The following ZAN variants were observed in gnomAD, a reference collection of about 807,000 sequenced individuals.
The protein encoded by ZAN is zonadhesin (gene/pseudogene).
Under a neutral mutation model 286.2 loss-of-function variants are expected in ZAN, and 260 were observed. The ratio of observed to expected loss-of-function variants is 0.91; its 90% CI spans 0.82 to 1.01. ZAN has a LOEUF of 1.01. Ranked by LOEUF, ZAN falls within the 50% of genes least tolerant of loss-of-function variation. The pLI, the probability that ZAN is intolerant of heterozygous loss-of-function variation, is 0.00. For synonymous variants in ZAN, 1,368 were observed against 1,417.5 expected (o/e 0.97, Z 0.79); for missense variants, 3,410 against 3,639.2 (o/e 0.94, Z 1.62).
chr7:100,747,987 GAAAA>G (rs3884114), intron 9 of ZAN, 146 bp from the exon 10 acceptor site: 9 of 583,350 alleles, frequency 1.5e-5, no homozygotes, highest in Non-Finnish European at 2.6e-5. Flanking sequence ...GCAAGACTCT[GAAAA>G]AAAAAAAAAA....
chr7:100,786,879 C>G (rs377689151), intron 37 of ZAN, among the ~76,000 whole-genome samples: 2 of 152,184 alleles, frequency 1.3e-5, no homozygotes, highest in East Asian at 3.9e-4. Flanking sequence ...TAGGAAGACC[C>G]TGTCCCTACA....
Position 100,735,705 on chromosome 7 carries a change from C to A in ZAN, c.54-15C>A. ...ACACGAGTTGCATTTTTGCTTTCTT[C>A]AAACGACCCCCAAGGAAAGAGAAGC... On this transcript the variant is annotated splice_polypyrimidine_tract_variant and intron_variant, in intron 2 of 47. Coordinates refer to ENST00000613979, the MANE Select transcript of ZAN (RefSeq NM_003386.3). 6.7e-7 allele frequency: 1 copy of A among 1,499,440 alleles called. No individual in the cohort carries two copies. Among genetic ancestry groups the A allele is most frequent in the South Asian group, 1.2e-5 (1 of 86,538 alleles). The allele number at this position is 1,499,440 out of a possible 1,614,324, so 92.9% of individuals were successfully genotyped here. A position where few individuals can be genotyped will look rare whatever the true frequency, so the allele number is the denominator to read the frequency against.
At position 100,773,728 on chromosome 7, in the gene ZAN, A is replaced by G; in HGVS notation, c.5642A>G (p.Glu1881Gly). ...DPAGSYHPVG[E>G]RWYTENTCTR... is the part of the protein sequence containing the mutation. ...GATCCCTGTGGCCCACAGGTCGGGG[A>G]GCGCTGGTACACAGAGAACACCTGC... The change falls in exon 31 of 48, where the codon GAG becomes GGG. Residue 1881 changes from glutamate (E) to glycine (G), a missense_variant. Glu to Gly is a moderately conservative substitution (Grantham distance 98). Transcript: ENST00000613979. 3 of 1,609,332 alleles carry G rather than the reference A, an allele frequency of 1.9e-6. No individual in the cohort carries two copies. Among genetic ancestry groups the G allele is most frequent in the Non-Finnish European group, 2.5e-6 (3 of 1,177,824 alleles).
intron 3 of ZAN, among the ~76,000 whole-genome samples, chr7:100,735,993 G>A (rs943931667): frequency 7.1e-6 from 1 of 140,920 alleles, no homozygotes; most frequent in Non-Finnish European, 1.6e-5. Flanking sequence ...TCCCAGCCCC[G>A]AATTTCTCCT....
chr7:100,773,723 C>T lies in ZAN; in HGVS notation c.5637C>T (p.Val1879=), dbSNP rs758085729. The T allele has an allele frequency of 2.6e-5, 41 of 1,607,836 alleles. No individual in the cohort carries two copies. Among genetic ancestry groups the T allele is most frequent in the Admixed American group, 6.8e-5 (4 of 59,190 alleles). ...CTDPAGSYHP[V]GERWYTENTC... Reference sequence around the variant, plus strand: ...CAGCTGATCCCTGTGGCCCACAGGTCGGGGAGCGCTGGTACACAGAGAACA... The same window carrying T: ...CAGCTGATCCCTGTGGCCCACAGGTTGGGGAGCGCTGGTACACAGAGAACA... Residue 1879 remains valine, a splice_region_variant and synonymous_variant, in exon 31 of 48, where the codon GTC becomes GTT. Transcript: ENST00000613979.
intron 42 of ZAN, among the ~76,000 whole-genome samples, chr7:100,793,002 G>GAA (rs1292224151): frequency 6.6e-5 from 6 of 90,644 alleles, no homozygotes; most frequent in African/African-American, 2.4e-4. Flanking sequence ...AAAAAAGAAA[G>GAA]AAAGAAAGAA....
chr7:100,792,982 C>CAAAAAAAAAAAAAAAAAAA (rs1232116032), intron 42 of ZAN, among the ~76,000 whole-genome samples: 14 of 50,892 alleles, frequency 2.8e-4, no homozygotes, highest in African/African-American at 5.1e-4. Flanking sequence ...CATCCTATCT[C>CAAAAAAAAAAAAAAAAAAA]AAAAAAAAAA....
At chr7:100,748,557 TTGTTTCAG>T in intron 11 of ZAN, 87 bp downstream of exon 11, 1 of 1,510,632 alleles carries the variant, frequency 6.6e-7, no homozygotes, top group South Asian at 1.3e-5. Context: ...ATGGGAGACG[TTGTTTCAG>T]GCAGTGGGAA....
intron 2 of ZAN, among the ~76,000 whole-genome samples, chr7:100,734,620 A>G (rs1311910447): frequency 7.3e-6 from 1 of 136,358 alleles, no homozygotes; most frequent in African/African-American, 2.7e-5. Context: ...CTCCGTCTCA[A>G]AAAAAAAAAA....
intron 19 of ZAN, among the ~76,000 whole-genome samples, chr7:100,761,286 T>C (rs987401107): frequency 3.3e-5 from 5 of 152,164 alleles, no homozygotes; most frequent in Non-Finnish European, 7.4e-5. Flanking sequence ...GGAGAATCCC[T>C]TGGGGCCAGG....
chr7:100,783,733 C>CAAAAAAAAA lies in ZAN; in HGVS notation c.6623-867_6623-859dup, dbSNP rs67004319. ...AGACTCCGTCCCTGCCCGTCCCCCG[C>CAAAAAAAAA]AAAAAAAAAAAAAAAAAAAAAAAAA... is the stretch of plus-strand genomic sequence containing the variant. On this transcript the variant is annotated intron_variant, in intron 35 of 47. Coordinates refer to ENST00000613979, the MANE Select transcript of ZAN (RefSeq NM_003386.3). 6.2e-4 allele frequency among the ~76,000 whole-genome samples: 7 copies of CAAAAAAAAA among 11,242 alleles called. 1 individual carries two copies. The highest frequency in any genetic ancestry group is 1.1e-3 in the Non-Finnish European group (7 of 6,116). The allele number at this position is 11,242 out of a possible 152,430, so 7.4% of individuals were successfully genotyped here. A position where few individuals can be genotyped will look rare whatever the true frequency, so the allele number is the denominator to read the frequency against.
At chr7:100,794,891 A>T (rs1812245603) in intron 44 of ZAN, among the ~76,000 whole-genome samples, 1 of 133,544 alleles carries the variant, frequency 7.5e-6, no homozygotes. Context: ...GAGGAAAGGA[A>T]GGGAGGGAGG....
chr7:100,786,994 T>A (rs2116288092), intron 37 of ZAN, among the ~76,000 whole-genome samples: 1 of 151,956 alleles, frequency 6.6e-6, no homozygotes, highest in Middle Eastern at 3.4e-3. Flanking sequence ...CTCAGGAGTT[T>A]GAGGCTGCAG....
chr7:100,771,331 T>C (rs1230035853), intron 28 of ZAN, among the ~76,000 whole-genome samples: 1 of 152,036 alleles, frequency 6.6e-6, no homozygotes, highest in East Asian at 1.9e-4. Context: ...CTCAGCCTGC[T>C]GAGTAGCTGG....
intron 38 of ZAN, among the ~76,000 whole-genome samples, chr7:100,788,888 G>A (rs147760286): frequency 2.6e-5 from 4 of 152,028 alleles, no homozygotes; most frequent in Non-Finnish European, 4.4e-5. Context: ...TAGTAGAGAC[G>A]TGGTTTCCCC....
chr7:100,762,105 C>T, intron 19 of ZAN, 110 bp from the exon 20 acceptor site: 3 of 1,393,200 alleles, frequency 2.2e-6, no homozygotes, highest in Non-Finnish European at 3.0e-6. Context: ...TCTTCATCCT[C>T]CTCACGCCCT....
chr7:100,790,815 G>A (rs1358834069), intron 39 of ZAN, 127 bp from the exon 40 acceptor site: 18 of 1,032,360 alleles, frequency 1.7e-5, no homozygotes, highest in South Asian at 3.8e-5. Context: ...ACCAGGAGGC[G>A]GAGGTTGCAG....
chr7:100,750,840 C>A lies in ZAN; in HGVS notation c.1465C>A (p.Pro489Thr), dbSNP rs752056869. Residue 489 changes from proline (P) to threonine (T), a missense_variant, in exon 12 of 48, where the codon CCT becomes ACT. Physicochemically the swap from Pro to Thr is conservative, Grantham distance 38. Coordinates refer to ENST00000613979, the MANE Select transcript of ZAN (RefSeq NM_003386.3). ...PLWKRVGSQR[P>T]YWQNTSVTVP... is the part of the protein sequence containing the mutation. ...CTGGAAACGCGTGGGGTCTCAGCGC[C>A]CTTACTGGCAGAACACCTCCGTCAC... 1.9e-6 allele frequency: 3 copies of A among 1,589,960 alleles called. No individual in the cohort carries two copies. The highest frequency in any genetic ancestry group is 1.1e-5 in the South Asian group (1 of 87,006).
At chr7:100,767,767 C>G in intron 25 of ZAN, 64 bp from the exon 26 acceptor site, 2 of 1,534,462 alleles carry the variant, frequency 1.3e-6, no homozygotes, top group East Asian at 2.3e-5. Flanking sequence ...CATGAGCCCC[C>G]GTCCTTGCCT....
Sources: allele counts gnomAD v4.1 joint callset (sites outside exome capture counted in the v4.1 genomes callset), GRCh38; gene constraint gnomAD v4.1.1; transcripts MANE v1.5; gene names NCBI Gene and HGNC (gene_info 2026-07-23, HGNC 2026-07-21).